Variants in FRMD6 observed in about 807,000 individuals in gnomAD.
The protein encoded by FRMD6 is FERM domain containing 6, also known as FERM domain-containing protein 6.
FRMD6 carries 37 observed loss-of-function variants against 73.2 expected under a neutral mutation model. The observed-to-expected ratio is 0.51, with a 90% confidence interval of 0.39 to 0.66. The LOEUF is 0.66. Ranked by LOEUF, FRMD6 falls within the 30% of genes least tolerant of loss-of-function variation. The probability of loss-of-function intolerance (pLI) is 0.00; values close to 1 mark genes in which losing one functional copy is unlikely to be tolerated. For synonymous variants in FRMD6, 273 were observed against 282.2 expected (o/e 0.97, Z 0.33); for missense variants, 714 against 780.5 (o/e 0.91, Z 1.02).
chr14:51,591,978 C>A (rs1889426623), intron 2 of FRMD6, among the ~76,000 whole-genome samples: 1 of 152,212 alleles, frequency 6.6e-6, no homozygotes. Flanking sequence ...CTTTCATGGT[C>A]ATTTTTGCAG....
rs566851361 is a variant in FRMD6, at chr14:51,619,506, A to G, written c.-147+49096A>G. Among the ~76,000 whole-genome samples, 4 of 152,272 alleles carry G rather than the reference A, an allele frequency of 2.6e-5. No homozygotes were observed. In the South Asian group the frequency reaches 6.2e-4, roughly 24 times the overall value. On this transcript the variant is annotated intron_variant, in intron 2 of 14. Transcript: ENST00000356218. Reference sequence around the variant, plus strand: ...AGTTGTCATAAATATGACCAAGAAGATTTCTTCCCAAATACCCCATAAAAC... The same window carrying G: ...AGTTGTCATAAATATGACCAAGAAGGTTTCTTCCCAAATACCCCATAAAAC...
intron 2 of FRMD6, among the ~76,000 whole-genome samples, chr14:51,601,573 A>C (rs1050983245): frequency 2.0e-5 from 3 of 152,194 alleles, no homozygotes; most frequent in African/African-American, 7.2e-5. Context: ...AAATCTCTAG[A>C]AATTTAGTAA....
chr14:51,487,501 G>A (rs1882794863), upstream of FRMD6, among the ~76,000 whole-genome samples: 1 of 152,176 alleles, frequency 6.6e-6, no homozygotes, highest in Non-Finnish European at 1.5e-5. Context: ...CTGAGGTCCT[G>A]CATTTCCAAC....
chr14:51,666,743 A>C (rs974756697), intron 1 of FRMD6, among the ~76,000 whole-genome samples: 1 of 152,198 alleles, frequency 6.6e-6, no homozygotes, highest in Non-Finnish European at 1.5e-5. Context: ...AGTGATAAAC[A>C]AAATTATGAT....
chr14:51,718,821 T>C (rs1389608310), intron 10 of FRMD6, among the ~76,000 whole-genome samples: 3 of 152,204 alleles, frequency 2.0e-5, no homozygotes, highest in African/African-American at 4.8e-5. Context: ...CATTTTTTTT[T>C]TGCATTTTGC....
chr14:51,612,843 C>T (rs1185771126), intron 2 of FRMD6, among the ~76,000 whole-genome samples: 1 of 152,084 alleles, frequency 6.6e-6, no homozygotes, highest in Non-Finnish European at 1.5e-5. Flanking sequence ...AAGTCAGAGT[C>T]AAATAAATTC....
chr14:51,443,280 C>G, the FRMD6 span, among the ~76,000 whole-genome samples: 14 of 152,208 alleles, frequency 9.2e-5, no homozygotes, highest in South Asian at 8.3e-4. Context: ...CTAAGGAAAA[C>G]AGCACATGCT....
At chr14:51,650,961 T>G (rs984993676), upstream of FRMD6, 4 of 152,190 alleles carry the variant, frequency 2.6e-5, no homozygotes, top group African/African-American at 9.7e-5. Flanking sequence ...TCTCCTTTCG[T>G]GTGCGGTTCC....
chr14:51,585,098 C>T (rs1037281901), intron 2 of FRMD6, among the ~76,000 whole-genome samples: 3 of 152,150 alleles, frequency 2.0e-5, no homozygotes, highest in Non-Finnish European at 1.5e-5. Context: ...AGTTTCAGGG[C>T]GTTCTGTCTC....
chr14:51,703,344 A>G (rs185921500), intron 5 of FRMD6, among the ~76,000 whole-genome samples: 8 of 152,216 alleles, frequency 5.3e-5, no homozygotes, highest in East Asian at 3.9e-4. Context: ...ATATATTTTT[A>G]AACTTTGAGA....
chr14:51,541,703 G>C (rs1188000742), intron 1 of FRMD6, among the ~76,000 whole-genome samples: 1 of 152,030 alleles, frequency 6.6e-6, no homozygotes, highest in African/African-American at 2.4e-5. Context: ...AAACATGAGA[G>C]AGAAGAAAAG....
At chr14:51,673,932 TA>T (rs1566552888) in intron 1 of FRMD6, among the ~76,000 whole-genome samples, 1 of 152,228 alleles carries the variant, frequency 6.6e-6, no homozygotes, top group African/African-American at 2.4e-5. Context: ...CTTTATTCAC[TA>T]AAGTGGATAA....
intron 1 of FRMD6, among the ~76,000 whole-genome samples, chr14:51,542,494 A>G (rs1442936536): frequency 6.6e-6 from 1 of 152,108 alleles, no homozygotes; most frequent in African/African-American, 2.4e-5. Context: ...AATATTCCAT[A>G]GTATGATATG....
the FRMD6 span, among the ~76,000 whole-genome samples, chr14:51,405,037 T>C: frequency 6.6e-6 from 1 of 152,226 alleles, no homozygotes; most frequent in Non-Finnish European, 1.5e-5. Flanking sequence ...TTCGGTTTTC[T>C]GTCCCTGCCT....
chr14:51,454,993 T>C, the FRMD6 span, among the ~76,000 whole-genome samples: 3 of 152,172 alleles, frequency 2.0e-5, no homozygotes, highest in Admixed American at 2.0e-4. Flanking sequence ...AAAAACCTGT[T>C]AAATAAACCT....
At chr14:51,584,934 G>A (rs1003621422) in intron 2 of FRMD6, among the ~76,000 whole-genome samples, 1 of 152,134 alleles carries the variant, frequency 6.6e-6, no homozygotes, top group Non-Finnish European at 1.5e-5. Context: ...TTCATAAAAA[G>A]ATATTGTGAT....
chr14:51,597,038 G>A (rs1217871922), intron 2 of FRMD6, among the ~76,000 whole-genome samples: 2 of 152,216 alleles, frequency 1.3e-5, no homozygotes, highest in Non-Finnish European at 2.9e-5. Flanking sequence ...TGATTGCAAT[G>A]TGTCAAAGAG....
chr14:51,701,034 TCTC>T lies in FRMD6; in HGVS notation c.191-19_191-17del, dbSNP rs778314530. The T allele has an allele frequency of 2.5e-6, 3 of 1,186,650 alleles. No individual in the cohort carries two copies. The highest frequency in any genetic ancestry group is 5.2e-5 in the East Asian group (2 of 38,362). 73.5% of individuals were successfully genotyped at this position (1,186,650 alleles called of 1,614,324 possible). On this transcript the variant is annotated intron_variant, in intron 3 of 13. Coordinates refer to ENST00000344768, the MANE Select transcript of FRMD6 (RefSeq NM_001267046.2). ...TAAAAATCCTTTCTTTAGCATGTCG[TCTC>T]CTTTTTTTTAATGTACAGATAATGA...
At chr14:51,429,770 G>A in the FRMD6 span, among the ~76,000 whole-genome samples, 1 of 152,146 alleles carries the variant, frequency 6.6e-6, no homozygotes, top group Non-Finnish European at 1.5e-5. Flanking sequence ...TATAAAATAA[G>A]GAAGTTAGAT....
Sources: allele counts gnomAD v4.1 joint callset (sites outside exome capture counted in the v4.1 genomes callset), GRCh38; gene constraint gnomAD v4.1.1; transcripts MANE v1.5; gene names NCBI Gene and HGNC (gene_info 2026-07-23, HGNC 2026-07-21).